Variants in ODF2 observed in about 807,000 individuals in gnomAD.
The protein encoded by ODF2 is outer dense fiber protein 2.
ODF2 carries 47 observed loss-of-function variants against 110.2 expected under a neutral mutation model. That is an observed-to-expected ratio of 0.43 (90% CI 0.34 to 0.54). The LOEUF (loss-of-function observed/expected upper bound fraction) is 0.54. ODF2 is among the 20% of genes least tolerant of loss of function. ODF2 has a pLI of 0.03. For synonymous variants in ODF2, 352 were observed against 397.7 expected (o/e 0.89, Z 1.37); for missense variants, 812 against 1,054.5 (o/e 0.77, Z 3.19).
At chr9:128,472,730 G>A (rs867391643) in intron 6 of ODF2, among the ~76,000 whole-genome samples, 183 bp from the exon 7 acceptor site, 10 of 152,196 alleles carry the variant, frequency 6.6e-5, no homozygotes, top group Middle Eastern at 3.2e-3. Context: ...TGGTGCCCAG[G>A]CAGATGTAAC....
chr9:128,469,347 G>A (rs1351760013), exon 5 of ODF2: 3 of 1,614,128 alleles, frequency 1.9e-6, no homozygotes, highest in South Asian at 1.1e-5. Flanking sequence ...GTTGTCTGAA[G>A]TCTGAGGTGA....
chr9:128,485,469 G>T lies in ODF2; in HGVS notation c.1395G>T (p.Leu465=), dbSNP rs1843179708. 1 of 1,536,846 alleles carries T rather than the reference G, an allele frequency of 6.5e-7. No homozygotes were observed. ...ACCTTGAGCTGGAAATTATTGTCCT[G>T]AATGAGTACGTCTTAGAGTAGGAGA... The change falls in exon 13 of 21, where the codon CTG becomes CTT. Residue 465 remains leucine (L), a synonymous_variant. Transcript: ENST00000604420. This position sits in a 1 kb window ranked among gnomAD's most constrained non-coding sequence, Gnocchi z 5.0.
rs571315234 is a variant in ODF2 at position 128,473,094 on chromosome 9, C to A, written c.711+52C>A. ...CCATGGAACTGGCCTCGGGAGGGGG[C>A]AGCTGCAGGCTGGGCAGGGTCTTTA... On this transcript the variant is annotated intron_variant, in intron 7 of 20. Transcript: ENST00000604420. 38 of 1,610,098 alleles carry A rather than the reference C, an allele frequency of 2.4e-5. No homozygotes were observed. In the East Asian group the frequency reaches 7.4e-4, roughly 31 times the overall value.
chr9:128,461,061 G>T (rs1351820964), exon 4 of ODF2: 1 of 1,614,144 alleles, frequency 6.2e-7, no homozygotes, highest in Admixed American at 1.7e-5. Context: ...TGGGATGCAA[G>T]TGGGAGGTAG....
intron 11 of ODF2, 72 bp downstream of exon 11, chr9:128,484,126 A>T (rs1482905090): frequency 9.2e-7 from 1 of 1,088,396 alleles, no homozygotes. Context: ...GGCCTGGCCC[A>T]GATATCACAC....
chr9:128,466,307 A>T (rs1723297826), intron 4 of ODF2, among the ~76,000 whole-genome samples: 1 of 151,962 alleles, frequency 6.6e-6, no homozygotes, highest in South Asian at 2.1e-4. Context: ...CTCTACCAAA[A>T]ATACAAAAAA....
At chr9:128,487,795 A>G in intron 13 of ODF2, 95 bp from the exon 14 acceptor site, 1 of 1,347,740 alleles carries the variant, frequency 7.4e-7, no homozygotes, top group Non-Finnish European at 9.7e-7. Flanking sequence ...TAAAAAAACA[A>G]ACAAACAAAA....
chr9:128,465,739 C>CA (rs34262754), intron 4 of ODF2, among the ~76,000 whole-genome samples: 716 of 70,236 alleles, frequency 0.01, 1 homozygote, highest in Middle Eastern at 0.022. Context: ...GACTCCGTCT[C>CA]AAAAAAAAAA....
Position 128,494,969 on chromosome 9 carries a change from A to C in ODF2, c.1911+301A>C. ...GTGCTCCGCAGCTGTCCTCAGCTCC[A>C]CACCCACAGCTGGGAGATGCCAGCA... On this transcript the variant is annotated intron_variant, in intron 17 of 20. Transcript: ENST00000604420. The surrounding 1 kb of genome is among the most constrained non-coding windows in gnomAD (Gnocchi z 4.6). 1 of 711,342 alleles carries C rather than the reference A, an allele frequency of 1.4e-6. No individual in the cohort carries two copies. Among genetic ancestry groups the C allele is most frequent in the Non-Finnish European group, 2.2e-6 (1 of 452,102 alleles). The allele number at this position is 711,342 out of a possible 1,614,324, so 44.1% of individuals were successfully genotyped here.
At chr9:128,490,505 G>A (rs865867583) in intron 14 of ODF2, among the ~76,000 whole-genome samples, 10 of 152,016 alleles carry the variant, frequency 6.6e-5, no homozygotes, top group African/African-American at 2.4e-4. Context: ...GGCTGGTCTC[G>A]AACTTCTGAC....
intron 1 of ODF2, chr9:128,457,146 C>T: frequency 6.9e-7 from 1 of 1,455,724 alleles, no homozygotes; most frequent in South Asian, 1.2e-5. Flanking sequence ...TCCCCTTCCT[C>T]CCCTCTGCCC....
chr9:128,456,396 T>C, intron 1 of ODF2, 141 bp downstream of exon 1: 3 of 1,448,428 alleles, frequency 2.1e-6, no homozygotes, highest in Non-Finnish European at 2.7e-6. Flanking sequence ...GTCCCCCTCC[T>C]GTCAGAACCT....
At chr9:128,492,433 T>G in exon 15 of ODF2, 1 of 1,613,448 alleles carries the variant, frequency 6.2e-7, no homozygotes, top group Non-Finnish European at 8.5e-7. Flanking sequence ...CAGGCCAGCT[T>G]TGCTCCAATG....
chr9:128,471,815 G>A (rs1283728060), intron 6 of ODF2, among the ~76,000 whole-genome samples: 17 of 152,168 alleles, frequency 1.1e-4, no homozygotes, highest in Non-Finnish European at 2.4e-4. Context: ...CATCTTATGC[G>A]AAGGCCCCAA....
chr9:128,458,585 C>CT lies in ODF2; in HGVS notation c.33-968dup, dbSNP rs1267169998. On this transcript the variant is annotated intron_variant, in intron 2 of 20. Coordinates refer to ENST00000604420, the Ensembl canonical transcript of ODF2. ...GAGCAAATAGACTTTTGCTCTCTCT[C>CT]TTTTTTTTTTTTTTATTTGGCTGTC... is the stretch of plus-strand genomic sequence containing the variant. Among the ~76,000 whole-genome samples, 1,276 of 139,230 alleles carry CT rather than the reference C, an allele frequency of 9.2e-3. 64 individuals carry two copies. In the East Asian group the frequency reaches 0.15, roughly 16 times the overall value. The allele number at this position is 139,230 out of a possible 152,430, so 91.3% of individuals were successfully genotyped here.
exon 10 of ODF2, chr9:128,482,842 G>A: frequency 6.2e-7 from 1 of 1,612,986 alleles, no homozygotes; most frequent in Non-Finnish European, 8.5e-7. Flanking sequence ...TGCAAGACAA[G>A]GACAAGGAGG....
At chr9:128,473,842 T>C in intron 8 of ODF2, 101 bp downstream of exon 8, 1 of 1,077,980 alleles carries the variant, frequency 9.3e-7, no homozygotes, top group Non-Finnish European at 1.4e-6. Flanking sequence ...GTGCCCGACC[T>C]GAGAGGTCCT....
chr9:128,455,996 G>T, upstream of ODF2: 1 of 1,418,082 alleles, frequency 7.1e-7, no homozygotes, highest in Non-Finnish European at 9.2e-7. Context: ...CCGGAAGTGG[G>T]CGGCCCTTCT....
rs752408645 is a variant in ODF2, at chr9:128,500,022, T to C, written c.2302-45T>C. The C allele has an allele frequency of 4.4e-6, 7 of 1,608,246 alleles. No individual in the cohort carries two copies. In the East Asian group the frequency reaches 1.6e-4, roughly 36 times the overall value. ...TCCCTATGTCTCTATGGATTTCTAT[T>C]TTGGACACTGCACAGCGGGCCCATG... On this transcript the variant is annotated intron_variant, in intron 20 of 20. Transcript: ENST00000604420.
Sources: gnomAD v4.1 joint callset for allele counts (sites outside exome capture counted in the v4.1 genomes callset) on GRCh38, gnomAD v4.1.1 for gene constraint, Gnocchi (gnomAD v3.1) non-coding constraint, MANE v1.5 for transcripts, NCBI Gene and HGNC (gene_info 2026-07-23, HGNC 2026-07-21) for gene names.